Variants in DLC1 observed in about 807,000 individuals in gnomAD.
DLC1 encodes DLC1 Rho GTPase activating protein.
A neutral mutation model predicts 140.3 loss-of-function variants in DLC1; 54 were observed. The observed-to-expected ratio is 0.38, with a 90% CI of 0.31 to 0.48. The LOEUF is 0.48. DLC1 is among the 20% of genes least tolerant of loss of function. The pLI is 0.96. For missense variants in DLC1, 2,536 were observed against 1,907.0 expected, an observed-to-expected ratio of 1.33 and a Z score of -6.14; for synonymous variants, 986 against 728.1, an observed-to-expected ratio of 1.35 and a Z score of -5.70.
In DLC1 at chr8:13,099,847, C is replaced by T. The variant is rs376759642; in HGVS notation, c.2490G>A (p.Ser830=). Residue 830 remains serine (S), a synonymous_variant, in exon 9 of 18, where the codon TCG becomes TCA. Coordinates refer to ENST00000276297, the MANE Select transcript of DLC1 (RefSeq NM_182643.3). ...TCCAGTTCACAGAGCCGTTATTCCC[C>T]GAGGGGGAGAAACTGCCATTGGTGA... ...KALTNGSFSP[S]GNNGSVNWRT... is the part of the protein sequence containing the mutation. 9.2e-5 allele frequency: 149 copies of T among 1,614,042 alleles called. No individual in the cohort carries two copies. The highest frequency in any genetic ancestry group is 1.2e-4 in the Non-Finnish European group (138 of 1,180,054).
At chr8:13,230,448 G>C (rs568552916) in intron 5 of DLC1, among the ~76,000 whole-genome samples, 1 of 152,138 alleles carries the variant, frequency 6.6e-6, no homozygotes, top group East Asian at 1.9e-4. Flanking sequence ...GCAAGGTTAG[G>C]TGGCATGAAT....
chr8:13,525,157 C>T (rs1802880466), intron 1 of DLC1, among the ~76,000 whole-genome samples: 1 of 152,156 alleles, frequency 6.6e-6, no homozygotes, highest in Non-Finnish European at 1.5e-5. Context: ...CATGTTGTTG[C>T]ATGTATCTGT....
chr8:13,277,128 T>C (rs1831203708), intron 5 of DLC1, among the ~76,000 whole-genome samples: 1 of 152,046 alleles, frequency 6.6e-6, no homozygotes, highest in African/African-American at 2.4e-5. Context: ...TGAGAACAGC[T>C]TGGGCAACAA....
intron 2 of DLC1, among the ~76,000 whole-genome samples, chr8:13,473,987 G>C (rs1800323466): frequency 1.3e-5 from 2 of 152,198 alleles, no homozygotes; most frequent in East Asian, 1.9e-4. Flanking sequence ...ATTCAAGCCA[G>C]CTGCAGAAAT....
intron 5 of DLC1, among the ~76,000 whole-genome samples, chr8:13,290,712 T>G (rs3842964): frequency 0.32 from 48,627 of 151,994 alleles, 8,438 homozygotes; most frequent in Non-Finnish European, 0.38. Context: ...CCTGGAAATC[T>G]TCAAAGACAA....
chr8:13,188,419 C>CAAAAAAAAAA (rs1178090798), intron 5 of DLC1, among the ~76,000 whole-genome samples: 58 of 58,994 alleles, frequency 9.8e-4, no homozygotes, highest in South Asian at 1.8e-3. Flanking sequence ...GACTCCGTCT[C>CAAAAAAAAAA]AAAAAAAAAA....
intron 1 of DLC1, among the ~76,000 whole-genome samples, chr8:13,537,007 C>T (rs1354641236): frequency 6.6e-6 from 1 of 151,816 alleles, no homozygotes; most frequent in Non-Finnish European, 1.5e-5. Context: ...TGTTAAGTAG[C>T]CAATATACTG....
intron 5 of DLC1, among the ~76,000 whole-genome samples, chr8:13,264,904 A>C (rs1161942694): frequency 2.1e-4 from 32 of 152,224 alleles, no homozygotes; most frequent in Admixed American, 2.1e-3. Flanking sequence ...CCGGGATACA[A>C]CTGCATGGCC....
chr8:13,333,018 G>T lies in DLC1; in HGVS notation c.1315-27716C>A, dbSNP rs187074288. Among the ~76,000 whole-genome samples, 230 of 152,008 alleles carry T rather than the reference G, an allele frequency of 1.5e-3. 2 individuals are homozygous for T. Among genetic ancestry groups the T allele is most frequent in the Admixed American group, 3.3e-3 (50 of 15,264 alleles). The stretch of plus-strand genomic sequence containing the variant: ...ACTAAATTACCTCTCTAGAATTGTG[G>T]CAACACTATGATTCTAGAAAAACTA... On this transcript the variant is annotated intron_variant, in intron 4 of 17. Transcript: ENST00000276297.
intron 5 of DLC1, among the ~76,000 whole-genome samples, chr8:13,257,574 C>T (rs1477825212): frequency 6.6e-6 from 1 of 151,954 alleles, no homozygotes; most frequent in Non-Finnish European, 1.5e-5. Context: ...AATGTATGAG[C>T]TGATTAAAAT....
intron 5 of DLC1, among the ~76,000 whole-genome samples, chr8:13,137,814 T>C (rs2128968141): frequency 6.6e-6 from 1 of 151,946 alleles, no homozygotes; most frequent in South Asian, 2.1e-4. Flanking sequence ...GCCAGACTGG[T>C]CTCGAACTCC....
intron 4 of DLC1, among the ~76,000 whole-genome samples, chr8:13,383,373 A>G (rs968621010): frequency 7.9e-5 from 12 of 152,152 alleles, no homozygotes; most frequent in Non-Finnish European, 1.8e-4. Context: ...ATATGTTCAG[A>G]GAAAGAGGAA....
chr8:13,198,737 A>ATTT (rs1827208837), intron 5 of DLC1, among the ~76,000 whole-genome samples: 1 of 145,992 alleles, frequency 6.8e-6, no homozygotes. Context: ...TTTTTTTTTG[A>ATTT]AATGGAGTCT....
At chr8:13,564,287 T>A (rs1434805954) in intron 1 of DLC1, among the ~76,000 whole-genome samples, 1 of 152,178 alleles carries the variant, frequency 6.6e-6, no homozygotes, top group African/African-American at 2.4e-5. Flanking sequence ...ATTGAACAAC[T>A]ATAAATAAAA....
rs180964774 is a variant in DLC1, at chr8:13,451,946, A to T, written c.1023+47103T>A. ...TTTTAGTTTTTTGAGGAACTTCCAA[A>T]CTGTTCTCCATAGTGGTTGTACTAA... On this transcript the variant is annotated intron_variant, in intron 2 of 17. Coordinates refer to ENST00000276297, the MANE Select transcript of DLC1 (RefSeq NM_182643.3). Among the ~76,000 whole-genome samples, 402 of 152,224 alleles carry T rather than the reference A, an allele frequency of 2.6e-3. 2 individuals carry two copies. Among genetic ancestry groups the T allele is most frequent in the African/African-American group, 8.9e-3 (369 of 41,542 alleles).
At chr8:13,575,991 T>C (rs1375528792) in intron 1 of DLC1, among the ~76,000 whole-genome samples, 2 of 152,198 alleles carry the variant, frequency 1.3e-5, no homozygotes, top group Non-Finnish European at 2.9e-5. Flanking sequence ...TTGCTACCAT[T>C]GGCAGAACTA....
At chr8:13,460,573 ATGAGAG>A (rs1157241439) in intron 2 of DLC1, among the ~76,000 whole-genome samples, 2 of 152,230 alleles carry the variant, frequency 1.3e-5, no homozygotes, top group Non-Finnish European at 2.9e-5. Flanking sequence ...CCTAAAGGGT[ATGAGAG>A]TGAAGCTGTG....
chr8:13,113,505 T>A (rs947578646), intron 6 of DLC1, among the ~76,000 whole-genome samples: 1 of 152,210 alleles, frequency 6.6e-6, no homozygotes, highest in African/African-American at 2.4e-5. Context: ...GGGAATGGAA[T>A]TGGGTCTTAG....
intron 5 of DLC1, among the ~76,000 whole-genome samples, chr8:13,279,330 C>T (rs996808716): frequency 6.6e-6 from 1 of 152,176 alleles, no homozygotes; most frequent in South Asian, 2.1e-4. Flanking sequence ...TTCTCTAGGA[C>T]AATACTTAAC....
Sources: allele counts gnomAD v4.1 joint callset (sites outside exome capture counted in the v4.1 genomes callset), GRCh38; gene constraint gnomAD v4.1.1; transcripts MANE v1.5; gene names NCBI Gene and HGNC (gene_info 2026-07-23, HGNC 2026-07-21).